The following KRT10 variants were observed in gnomAD, a reference collection of about 807,000 sequenced individuals.
The protein encoded by KRT10 is keratin, type I cytoskeletal 10.
In KRT10, 40 loss-of-function variants were observed where a neutral mutation model predicts 59.2. That is an observed-to-expected ratio of 0.68 (90% CI 0.52 to 0.88). KRT10 has a LOEUF of 0.88. Ranked by LOEUF, KRT10 falls within the 40% of genes least tolerant of loss-of-function variation. The probability of loss-of-function intolerance (pLI) is 0.00; values close to 1 mark genes in which losing one functional copy is unlikely to be tolerated. For missense variants in KRT10, 719 were observed against 749.1 expected (o/e 0.96, Z 0.47); for synonymous variants, 336 against 310.7 (o/e 1.08, Z -0.86).
intron 1 of KRT10, 53 bp downstream of exon 1, chr17:40,821,906 G>A (rs1905407755): frequency 6.3e-7 from 1 of 1,575,394 alleles, no homozygotes; most frequent in Admixed American, 1.7e-5. Flanking sequence ...AGATTCATCT[G>A]TCTGGATTAC....
At chr17:40,819,939 TTTCTC>T (rs1446304490) in intron 5 of KRT10, 105 bp downstream of exon 5, 4 of 1,391,262 alleles carry the variant, frequency 2.9e-6, no homozygotes, top group Non-Finnish European at 3.1e-6. Context: ...TTCACTTTGT[TTTCTC>T]TTTCTTACCT....
rs1799874 is a variant in KRT10 at position 40,820,796 on chromosome 17, T to C, written c.711-129A>G. On this transcript the variant is annotated intron_variant, in intron 2 of 7. Coordinates refer to ENST00000269576, the MANE Select transcript of KRT10 (RefSeq NM_000421.5). ...GCAATATTTGTCATGTACAGTTCTC[T>C]TAGAAGTAATAGTGGTTTAATGGAA... 236,191 of 1,106,266 alleles carry C rather than the reference T, an allele frequency of 0.21. 27,168 individuals carry two copies. Among genetic ancestry groups the C allele is most frequent in the Non-Finnish European group, 0.24 (178,636 of 750,474 alleles). The allele number at this position is 1,106,266 out of a possible 1,614,324, so 68.5% of individuals were successfully genotyped here.
rs1409907070 is a variant in KRT10, at chr17:40,820,045, A to G, written c.1155+4T>C. Reference sequence around the variant, plus strand: ...TTGAAGTCATTTCATGAGAGTTAACATACCAAGGCCAGTTGGGACTGTAGT... The same window carrying G: ...TTGAAGTCATTTCATGAGAGTTAACGTACCAAGGCCAGTTGGGACTGTAGT... On this transcript the variant is annotated splice_donor_region_variant and intron_variant, in intron 5 of 7. Transcript: ENST00000269576. 3.6e-5 allele frequency: 58 copies of G among 1,612,406 alleles called. No homozygotes were observed. Among genetic ancestry groups the G allele is most frequent in the Non-Finnish European group, 4.7e-5 (56 of 1,179,982 alleles).
chr17:40,821,851 G>T, intron 1 of KRT10, 108 bp downstream of exon 1: 2 of 1,172,828 alleles, frequency 1.7e-6, no homozygotes, highest in Non-Finnish European at 2.5e-6. Flanking sequence ...AAGGAAGAAA[G>T]TAACATGGGT....
At chr17:40,820,973 C>T (rs1170487360) in intron 2 of KRT10, 62 bp downstream of exon 2, 1 of 1,295,782 alleles carries the variant, frequency 7.7e-7, no homozygotes, top group South Asian at 1.2e-5. Context: ...CATCCCAAGT[C>T]ATTGTTAAAA....
chr17:40,822,023 G>A lies in KRT10; in HGVS notation c.563C>T (p.Ser188Leu). 1.2e-6 allele frequency: 2 copies of A among 1,614,108 alleles called. No homozygotes were observed. The highest frequency in any genetic ancestry group is 1.7e-6 in the Non-Finnish European group (2 of 1,180,016). ...IKEWYEKHGN[S>L]HQGEPRDYSK... The stretch of plus-strand genomic sequence containing the variant: ...GTAGTCACGAGGCTCCCCCTGATGT[G>A]AGTTGCCATGCTTTTCATACCACTC... Residue 188 changes from serine (S) to leucine (L), a missense_variant, in exon 1 of 8, where the codon TCA (serine) becomes TTA (leucine). Physicochemically the swap from Ser to Leu is moderately radical, Grantham distance 145. Around this residue, in one of 4 missense-constraint regions of KRT10, gnomAD observed 221 missense variants for 277.8 expected, o/e 0.80. Transcript: ENST00000269576.
chr17:40,822,241 G>GC lies in KRT10; in HGVS notation c.344dup (p.Ser116GlnfsTer31). Reference sequence around the variant, plus strand: ...CACCAAAGCCGCCTCCACCAAAGCTGCCCCCACCAAAGCTGCCACCTCCGA... The same window carrying GC: ...CACCAAAGCCGCCTCCACCAAAGCTGCCCCCCACCAAAGCTGCCACCTCCGA... On this transcript the variant is annotated frameshift_variant, in exon 1 of 8. Transcript: ENST00000269576. LOFTEE classifies it high-confidence loss of function. 6.2e-7 allele frequency: 1 copy of GC among 1,607,974 alleles called. No homozygotes were observed. The highest frequency in any genetic ancestry group is 8.5e-7 in the Non-Finnish European group (1 of 1,176,198).
chr17:40,818,870 G>T lies in KRT10; in HGVS notation c.1665C>A (p.Gly555=). ...CGCTGGAGCTGCCGCCGCCGTATCC[G>T]CCGCCGGAGCTGCTGCCGCCGCCGG... ...GSSGGGSSSG[G]GYGGGSSSGG... Residue 555 remains glycine (G), a synonymous_variant, in exon 7 of 8, where the codon GGC becomes GGA. Coordinates refer to ENST00000269576, the MANE Select transcript of KRT10 (RefSeq NM_000421.5). 1 of 1,539,344 alleles carries T rather than the reference G, an allele frequency of 6.5e-7. No individual in the cohort carries two copies. Among genetic ancestry groups the T allele is most frequent in the Non-Finnish European group, 8.7e-7 (1 of 1,147,822 alleles).
Position 40,822,545 on chromosome 17 carries a change from G to T in KRT10, c.41C>A (p.Ser14Tyr). Residue 14 changes from serine (S) to tyrosine (Y), a missense_variant, in exon 1 of 8, where the codon TCC becomes TAC. Ser to Tyr is a moderately radical substitution (Grantham distance 144). Coordinates refer to ENST00000269576, the MANE Select transcript of KRT10 (RefSeq NM_000421.5). ...RYSSSKHYSS[S>Y]RSGGGGGGGG... ...TCCTCCTCCTCCTCCTCCACTGCGG[G>T]AGGAAGAGTAGTGCTTGCTTGAGCT... 1.9e-6 allele frequency: 3 copies of T among 1,606,798 alleles called. No individual in the cohort carries two copies. In the Admixed American group the frequency reaches 5.0e-5, roughly 27 times the overall value.
chr17:40,819,813 G>A, intron 5 of KRT10, 79 bp from the exon 6 acceptor site: 5 of 1,254,148 alleles, frequency 4.0e-6, no homozygotes, highest in Non-Finnish European at 5.8e-6. Context: ...ATTTAGTAAG[G>A]CATTATATAG....
At position 40,818,358 on chromosome 17, in the gene KRT10, C is replaced by G; in HGVS notation, c.*118G>C. 1 of 1,404,414 alleles carries G rather than the reference C, an allele frequency of 7.1e-7. No individual in the cohort carries two copies. The highest frequency in any genetic ancestry group is 1.2e-5 in the South Asian group (1 of 83,634). 87.0% of individuals were successfully genotyped at this position (1,404,414 alleles called of 1,614,324 possible). A position where few individuals can be genotyped will look rare whatever the true frequency, so the allele number is the denominator to read the frequency against. On this transcript the variant is annotated 3_prime_UTR_variant, in exon 8 of 8. Transcript: ENST00000269576. ...ATAATGGTCTGTGTGAAGGGAGACT[C>G]TTTCCTCTTGATGCAGTTTAATAGT...
chr17:40,822,207 A>C lies in KRT10; in HGVS notation c.379T>G (p.Phe127Val). The C allele has an allele frequency of 1.2e-6, 2 of 1,613,064 alleles. 1 individual carries two copies. The highest frequency in any genetic ancestry group is 2.2e-5 in the South Asian group (2 of 91,002). Residue 127 changes from phenylalanine to valine, a missense_variant, in exon 1 of 8, where the codon TTT becomes GTT. By Grantham distance (50) the Phe-to-Val change is conservative. Around this residue, in one of 4 missense-constraint regions of KRT10, gnomAD observed 176 missense variants for 175.7 expected, o/e 1.00. Coordinates refer to ENST00000269576, the MANE Select transcript of KRT10 (RefSeq NM_000421.5). Reference protein sequence around the residue: ...FGGGGFGGGGFGGGFGGGFGG... With the variant: ...FGGGGFGGGGVGGGFGGGFGG... ...AATCCACCACCAAAGCCTCCTCCAA[A>C]GCCGCCTCCACCAAAGCCGCCTCCA...
At chr17:40,821,825 G>T in intron 1 of KRT10, 134 bp downstream of exon 1, 1 of 921,112 alleles carries the variant, frequency 1.1e-6, no homozygotes, top group African/African-American at 1.6e-5. Context: ...TCTTTGATGA[G>T]ACTGGGTTAT....
chr17:40,819,198 G>A (rs1181973260), intron 6 of KRT10, 37 bp from the exon 7 acceptor site: 7 of 1,594,834 alleles, frequency 4.4e-6, no homozygotes, highest in East Asian at 4.5e-5. Context: ...TATCTCTAAC[G>A]TTGGAAAACG....
Position 40,822,009 on chromosome 17 carries a change from G to C in KRT10, c.577C>G (p.Pro193Ala). The C allele has an allele frequency of 4.3e-6, 7 of 1,614,042 alleles. No homozygotes were observed. The highest frequency in any genetic ancestry group is 5.1e-6 in the Non-Finnish European group (6 of 1,180,014). ...EKHGNSHQGE[P>A]RDYSKYYKTI... Reference sequence around the variant, plus strand: ...TTGTAGTATTTGCTGTAGTCACGAGGCTCCCCCTGATGTGAGTTGCCATGC... The same window carrying C: ...TTGTAGTATTTGCTGTAGTCACGAGCCTCCCCCTGATGTGAGTTGCCATGC... The change falls in exon 1 of 8, where the codon CCT becomes GCT. Residue 193 changes from proline (P) to alanine (A), a missense_variant. Pro to Ala is a conservative substitution (Grantham distance 27). Transcript: ENST00000269576.
In KRT10 at chr17:40,818,991, C is replaced by A. The variant is rs1190099972; in HGVS notation, c.1544G>T (p.Gly515Val). 2.9e-6 allele frequency: 4 copies of A among 1,383,734 alleles called. No individual in the cohort carries two copies. Among genetic ancestry groups the A allele is most frequent in the Admixed American group, 2.6e-5 (1 of 38,204 alleles). The allele number at this position is 1,383,734 out of a possible 1,614,324, so 85.7% of individuals were successfully genotyped here. A position where few individuals can be genotyped will look rare whatever the true frequency, so the allele number is the denominator to read the frequency against. ...GCCGTGGCCGCCGCTGGAGCTTCCG[C>A]CCCCGTAGCCGCCGCCGGAGCTTCC... ...GGGSSGGGYG[G>V]GSSSGGHGGS... Residue 515 changes from glycine (G) to valine (V), a missense_variant, in exon 7 of 8, where the codon GGC becomes GTC. Gly to Val is a moderately radical substitution (Grantham distance 109). Transcript: ENST00000269576.
At position 40,819,504 on chromosome 17, in the gene KRT10, T is replaced by C. The variant is rs776853078; in HGVS notation, c.1373+13A>G. 6.2e-7 allele frequency: 1 copy of C among 1,608,288 alleles called. No homozygotes were observed. The highest frequency in any genetic ancestry group is 2.2e-5 in the East Asian group (1 of 44,858). ...TAAAAGAAACTGGGATAACTTTTCATTTTAAAATTTACCTTCCCTCTCCTT... is the reference window on the plus strand; with the variant it reads ...TAAAAGAAACTGGGATAACTTTTCACTTTAAAATTTACCTTCCCTCTCCTT... On this transcript the variant is annotated intron_variant, in intron 6 of 7. Coordinates refer to ENST00000269576, the MANE Select transcript of KRT10 (RefSeq NM_000421.5).
chr17:40,818,654 T>C (rs777770793), intron 7 of KRT10, 133 bp downstream of exon 7: 83 of 1,463,376 alleles, frequency 5.7e-5, no homozygotes, highest in Middle Eastern at 3.8e-4. Flanking sequence ...TTAAGAGTAG[T>C]TTGTGAACAA....
rs1905203213 is a variant in KRT10 at position 40,819,013 on chromosome 17, T to TTCCGCCGCCGGAGCTTCCGCC, written c.1501_1521dup (p.Gly501_Gly507dup). On this transcript the variant is annotated inframe_insertion, in exon 7 of 8. Coordinates refer to ENST00000269576, the MANE Select transcript of KRT10 (RefSeq NM_000421.5). Reference sequence around the variant, plus strand: ...CCGCCCCCGTAGCCGCCGCCGGAGCTTCCGCCGCCGGAGCTTCCGCCTCCG... The same window carrying TTCCGCCGCCGGAGCTTCCGCC: ...CCGCCCCCGTAGCCGCCGCCGGAGCTTCCGCCGCCGGAGCTTCCGCCTCCGCCGCCGGAGCTTCCGCCTCCG... The TTCCGCCGCCGGAGCTTCCGCC allele has an allele frequency of 8.0e-7, 1 of 1,246,512 alleles. No homozygotes were observed. The highest frequency in any genetic ancestry group is 1.0e-6 in the Non-Finnish European group (1 of 966,294). The allele number at this position is 1,246,512 out of a possible 1,614,324, so 77.2% of individuals were successfully genotyped here. A position where few individuals can be genotyped will look rare whatever the true frequency, so the allele number is the denominator to read the frequency against.
Sources: allele counts gnomAD v4.1 joint callset, GRCh38; gene constraint gnomAD v4.1.1; regional missense constraint gnomAD v4.1.1; transcripts MANE v1.5; gene names NCBI Gene and HGNC (gene_info 2026-07-23, HGNC 2026-07-21).